ATP2B2: variants seen among roughly 807,000 people sequenced by gnomAD.
The protein encoded by ATP2B2 is ATPase plasma membrane Ca2+ transporting 2.
In ATP2B2, 15 loss-of-function variants were observed where a neutral mutation model predicts 120.0. The ratio of observed to expected loss-of-function variants is 0.12; its 90% CI spans 0.08 to 0.19. ATP2B2 has a LOEUF of 0.19. ATP2B2 is among the 10% of genes least tolerant of loss of function. The probability of loss-of-function intolerance (pLI) is 1.00; values close to 1 mark genes in which losing one functional copy is unlikely to be tolerated. For synonymous variants in ATP2B2, 694 were observed against 700.3 expected, an observed-to-expected ratio of 0.99 and a Z score of 0.14; for missense variants, 1,045 against 1,719.8, an observed-to-expected ratio of 0.61 and a Z score of 6.94.
At chr3:10,466,437 G>T (rs995698285) in intron 1 of ATP2B2, among the ~76,000 whole-genome samples, 1 of 152,148 alleles carries the variant, frequency 6.6e-6, no homozygotes, top group Non-Finnish European at 1.5e-5. Context: ...TCGGAAATAA[G>T]ACTCTGTCTA....
intron 8 of ATP2B2, among the ~76,000 whole-genome samples, chr3:10,381,797 T>C (rs1266444431): frequency 1.3e-5 from 2 of 152,134 alleles, no homozygotes; most frequent in African/African-American, 2.4e-5. Flanking sequence ...ATGCACCTTT[T>C]CCAAATGGGT....
At chr3:10,488,176 C>CCCACCCATCTATCCAT (rs1405513440) in intron 1 of ATP2B2, among the ~76,000 whole-genome samples, 1 of 141,122 alleles carries the variant, frequency 7.1e-6, no homozygotes, top group South Asian at 2.5e-4. Context: ...CATCCATCTA[C>CCCACCCATCTATCCAT]CCACCCATCT....
chr3:10,478,942 T>C (rs1052070337), intron 1 of ATP2B2, among the ~76,000 whole-genome samples: 1 of 152,188 alleles, frequency 6.6e-6, no homozygotes, highest in African/African-American at 2.4e-5. Flanking sequence ...CAAGATCTCA[T>C]GGTTTAAAAG....
At chr3:10,377,074 G>A (rs2061401353) in intron 10 of ATP2B2, among the ~76,000 whole-genome samples, 1 of 152,224 alleles carries the variant, frequency 6.6e-6, no homozygotes, top group African/African-American at 2.4e-5. Flanking sequence ...AGGAGTGCTT[G>A]ACTGTGAACT....
chr3:10,652,133 T>C (rs1032728402), intron 1 of ATP2B2, among the ~76,000 whole-genome samples: 2 of 152,164 alleles, frequency 1.3e-5, no homozygotes, highest in Admixed American at 1.3e-4. Flanking sequence ...AACAAATAAA[T>C]AGGCCTTCTT....
At chr3:10,492,410 T>C (rs1366728345) in intron 1 of ATP2B2, among the ~76,000 whole-genome samples, 2 of 152,256 alleles carry the variant, frequency 1.3e-5, no homozygotes, top group African/African-American at 2.4e-5. Context: ...CCACAAACAA[T>C]GCGACAAAGC....
chr3:10,418,546 C>A (rs1455302565), intron 2 of ATP2B2, among the ~76,000 whole-genome samples: 1 of 152,140 alleles, frequency 6.6e-6, no homozygotes, highest in Non-Finnish European at 1.5e-5. Context: ...GGTGAGTTTT[C>A]CAGGCCATCC....
intron 12 of ATP2B2, among the ~76,000 whole-genome samples, chr3:10,367,167 C>T (rs2061086708): frequency 6.6e-6 from 1 of 152,116 alleles, no homozygotes; most frequent in African/African-American, 2.4e-5. Context: ...TCATTCTGGC[C>T]CTGCAGAAAT....
intron 6 of ATP2B2, chr3:10,388,062 T>C (rs1010083648): frequency 2.5e-5 from 15 of 610,102 alleles, no homozygotes; most frequent in Non-Finnish European, 3.1e-5. Flanking sequence ...CTCCATGACA[T>C]GATTGGACAA....
At chr3:10,341,305 TTTTTG>T (rs910746315) in intron 19 of ATP2B2, among the ~76,000 whole-genome samples, 6 of 152,100 alleles carry the variant, frequency 3.9e-5, no homozygotes, top group African/African-American at 7.2e-5. Flanking sequence ...TCCTGTATCC[TTTTTG>T]TTTTGTTTTG....
rs370301558 is a variant in ATP2B2 at position 10,410,801 on chromosome 3, C to T, written c.214G>A (p.Ala72Thr). Residue 72 changes from alanine (A) to threonine (T), a missense_variant, in exon 3 of 23, where the codon GCT (alanine) becomes ACT (threonine). Transcript: ENST00000360273. Reference protein sequence around the residue: ...TSPVEGLPGTAPDLEKRKQIF... With the variant: ...TSPVEGLPGTTPDLEKRKQIF... The stretch of plus-strand genomic sequence containing the variant: ...TGCTTTCTCTTTTCCAGGTCTGGAG[C>T]GGTGCCCGGCAAACCTGTGGACAGA... 8.2e-5 allele frequency: 133 copies of T among 1,613,822 alleles called. No individual in the cohort carries two copies. The South Asian group carries it at 8.8e-4, about 11-fold the overall frequency.
At chr3:10,642,035 C>T (rs2070187631) in intron 1 of ATP2B2, among the ~76,000 whole-genome samples, 2 of 151,968 alleles carry the variant, frequency 1.3e-5, no homozygotes, top group South Asian at 4.2e-4. Context: ...CATCATTCAC[C>T]CCTCCACCCA....
At chr3:10,566,613 G>A (rs1157966861) in intron 2 of ATP2B2, 1 of 152,216 alleles carries the variant, frequency 6.6e-6, no homozygotes, top group Admixed American at 6.5e-5. Context: ...AACGTTCAAC[G>A]GAATATTGTC....
In ATP2B2 at chr3:10,350,586, G is replaced by A. The variant is rs771653642; in HGVS notation, c.2137-9C>T. 6 of 1,610,384 alleles carry A rather than the reference G, an allele frequency of 3.7e-6. No homozygotes were observed. The highest frequency in any genetic ancestry group is 5.1e-6 in the Non-Finnish European group (6 of 1,179,648). ...CGGATGGCTTCTGGGACCTGGGCAG[G>A]AGGGCAGGGGCCATGGGGGAGGGCA... On this transcript the variant is annotated splice_polypyrimidine_tract_variant and intron_variant, in intron 14 of 22. Coordinates refer to ENST00000360273, the MANE Select transcript of ATP2B2 (RefSeq NM_001001331.4).
chr3:10,441,459 C>T (rs1281317060), intron 2 of ATP2B2, among the ~76,000 whole-genome samples: 1 of 152,182 alleles, frequency 6.6e-6, no homozygotes, highest in Non-Finnish European at 1.5e-5. Flanking sequence ...AGGCTGGTCT[C>T]GAACTCCTGA....
upstream of ATP2B2, among the ~76,000 whole-genome samples, chr3:10,507,039 C>A (rs994708570): frequency 1.3e-5 from 2 of 152,222 alleles, no homozygotes; most frequent in African/African-American, 2.4e-5. Flanking sequence ...CAGCCCCCAG[C>A]CCCATGGAAG....
intron 12 of ATP2B2, among the ~76,000 whole-genome samples, chr3:10,367,549 T>C (rs2061100826): frequency 6.6e-6 from 1 of 152,154 alleles, no homozygotes; most frequent in African/African-American, 2.4e-5. Context: ...CTGCCTGCTC[T>C]GTGTCAAGTA....
Position 10,585,493 on chromosome 3 carries a change from G to GAAAAAAAAAAAAAAAA in ATP2B2, c.-415+34408_-415+34423dup, listed in dbSNP as rs60670471. On this transcript the variant is annotated intron_variant, in intron 2 of 21. Coordinates refer to the ATP2B2 transcript ENST00000646379. ...TGGGCGACAGAGCGAGACTCCGTCTGAAAAAAAAAAAAAAAAAAAAAAAAG... is the reference window on the plus strand; with the variant it reads ...TGGGCGACAGAGCGAGACTCCGTCTGAAAAAAAAAAAAAAAAAAAAAAAAAAAAAAAAAAAAAAAAG... 5.6e-4 allele frequency among the ~76,000 whole-genome samples: 16 copies of GAAAAAAAAAAAAAAAA among 28,510 alleles called. 3 individuals are homozygous for GAAAAAAAAAAAAAAAA. The highest frequency in any genetic ancestry group is 7.3e-4 in the Non-Finnish European group (13 of 17,688). The allele number at this position is 28,510 out of a possible 152,430, so 18.7% of individuals were successfully genotyped here. A position where few individuals can be genotyped will look rare whatever the true frequency, so the allele number is the denominator to read the frequency against.
intron 2 of ATP2B2, among the ~76,000 whole-genome samples, chr3:10,583,710 G>A (rs2068443055): frequency 6.6e-6 from 1 of 152,220 alleles, no homozygotes; most frequent in Admixed American, 6.5e-5. Context: ...AGGAAAGTGA[G>A]GCCTTAGGAT....
Sources: gnomAD v4.1 joint callset for allele counts (sites outside exome capture counted in the v4.1 genomes callset) on GRCh38, gnomAD v4.1.1 for gene constraint, MANE v1.5 for transcripts, NCBI Gene and HGNC (gene_info 2026-07-23, HGNC 2026-07-21) for gene names.